The following AFAP1L1 variants were observed in gnomAD, a reference collection of about 807,000 sequenced individuals.
AFAP1L1 encodes the protein actin filament-associated protein 1-like 1.
AFAP1L1 carries 77 observed loss-of-function variants against 99.8 expected under a neutral mutation model. That is an observed-to-expected ratio of 0.77 (90% CI 0.64 to 0.93). AFAP1L1 has a LOEUF of 0.93. Among genes scored for constraint, AFAP1L1 ranks in the 40% least tolerant of loss-of-function variants. The probability of loss-of-function intolerance (pLI) is 0.00; values close to 1 mark genes in which losing one functional copy is unlikely to be tolerated. For missense variants in AFAP1L1, 893 were observed against 996.8 expected (o/e 0.90, Z 1.40); for synonymous variants, 373 against 395.3 (o/e 0.94, Z 0.67).
At chr5:149,307,661 A>T (rs1165359982) in intron 7 of AFAP1L1, 48 bp downstream of exon 7, 8 of 1,583,212 alleles carry the variant, frequency 5.1e-6, no homozygotes. Flanking sequence ...ATGGACTTGC[A>T]TGTGGGTGTG....
At chr5:149,293,744 T>G (rs1365509865) in intron 1 of AFAP1L1, among the ~76,000 whole-genome samples, 1 of 152,252 alleles carries the variant, frequency 6.6e-6, no homozygotes, top group Non-Finnish European at 1.5e-5. Flanking sequence ...TATCATTTAG[T>G]GAATGTTTGT....
intron 2 of AFAP1L1, 100 bp downstream of exon 2, chr5:149,299,737 C>T (rs566488569): frequency 2.0e-5 from 30 of 1,537,440 alleles, no homozygotes; most frequent in East Asian, 1.4e-4. Context: ...CCGCCCCACC[C>T]CCACCCCCAG....
chr5:149,339,779 T>G (rs542059166), intron 18 of AFAP1L1, among the ~76,000 whole-genome samples: 7 of 152,152 alleles, frequency 4.6e-5, no homozygotes, highest in Non-Finnish European at 1.0e-4. Flanking sequence ...ATAAATTACA[T>G]TTTTTAAAGA....
At chr5:149,278,683 T>C (rs1581284042) in intron 1 of AFAP1L1, among the ~76,000 whole-genome samples, 1 of 152,218 alleles carries the variant, frequency 6.6e-6, no homozygotes, top group East Asian at 1.9e-4. Context: ...ATGACACCCA[T>C]AGTTGGGAGA....
At chr5:149,309,775 G>A (rs1384366545) in intron 7 of AFAP1L1, among the ~76,000 whole-genome samples, 181 bp from the exon 8 acceptor site, 2 of 152,124 alleles carry the variant, frequency 1.3e-5, no homozygotes, top group Admixed American at 6.5e-5. Flanking sequence ...CTCCTCCCAG[G>A]CTTCTCTTCC....
chr5:149,320,160 T>C lies in AFAP1L1; in HGVS notation c.1626-231T>C, dbSNP rs1756911247. Among the ~76,000 whole-genome samples the C allele has an allele frequency of 6.6e-6, 1 of 152,202 alleles. No homozygotes were observed. ...GATCTCTGTTTTCTGACTCATAGAA[T>C]GGTGGTGATGAATTACCTGCCTTGC... On this transcript the variant is annotated intron_variant, in intron 13 of 18. Transcript: ENST00000296721. This position sits in a 1 kb window ranked among gnomAD's most constrained non-coding sequence, Gnocchi z 4.0.
intron 7 of AFAP1L1, 111 bp from the exon 8 acceptor site, chr5:149,309,845 G>A (rs1249586660): frequency 3.7e-6 from 5 of 1,337,924 alleles, no homozygotes; most frequent in Non-Finnish European, 5.2e-6. Flanking sequence ...TAGGCTGGGT[G>A]GGGGAGGTCT....
chr5:149,310,954 A>G (rs1191242599), intron 8 of AFAP1L1, among the ~76,000 whole-genome samples: 3 of 152,122 alleles, frequency 2.0e-5, no homozygotes, highest in African/African-American at 7.2e-5. Context: ...TCATCTGTGA[A>G]ATGGTCCTTG....
At chr5:149,301,053 G>T in intron 3 of AFAP1L1, 80 bp from the exon 4 acceptor site, 1 of 1,310,908 alleles carries the variant, frequency 7.6e-7, no homozygotes, top group African/African-American at 1.5e-5. Context: ...CAGGCCTCCT[G>T]ACCCCAAATC....
intron 5 of AFAP1L1, among the ~76,000 whole-genome samples, chr5:149,305,927 A>G (rs1756396123): frequency 6.8e-6 from 1 of 147,210 alleles, no homozygotes; most frequent in Admixed American, 6.6e-5. Flanking sequence ...CACACCATGC[A>G]CACATGCAAT....
At chr5:149,274,946 G>A (rs929544007) in intron 1 of AFAP1L1, among the ~76,000 whole-genome samples, 1 of 151,876 alleles carries the variant, frequency 6.6e-6, no homozygotes, top group Non-Finnish European at 1.5e-5. Context: ...CCAGGCAGGT[G>A]TGCACTCTCT....
intron 1 of AFAP1L1, among the ~76,000 whole-genome samples, chr5:149,295,588 AAAAG>A (rs1015926467): frequency 2.0e-5 from 3 of 152,074 alleles, no homozygotes; most frequent in Non-Finnish European, 4.4e-5. Context: ...CGAAAAAAGA[AAAAG>A]AGGGAGGGAG....
chr5:149,313,307 T>C (rs1175664066), intron 9 of AFAP1L1, among the ~76,000 whole-genome samples: 1 of 152,046 alleles, frequency 6.6e-6, no homozygotes, highest in African/African-American at 2.4e-5. Flanking sequence ...AGGGGAAGGG[T>C]TAAGACCCAC....
intron 1 of AFAP1L1, among the ~76,000 whole-genome samples, chr5:149,292,950 G>A (rs1435284387): frequency 6.6e-6 from 1 of 152,196 alleles, no homozygotes; most frequent in East Asian, 1.9e-4. Flanking sequence ...TGCTTGGAGG[G>A]GGTCCTTGGA....
chr5:149,289,561 C>T lies in AFAP1L1; in HGVS notation c.17-9948C>T, dbSNP rs537678147. ...GTGTTTGTCTTAGTGATAAACAATG[C>T]GAGTCCAACCAGTGCCGTCTCCTTC... is the stretch of plus-strand genomic sequence containing the variant. On this transcript the variant is annotated intron_variant, in intron 1 of 18. Transcript: ENST00000296721. Among the ~76,000 whole-genome samples the T allele has an allele frequency of 5.9e-5, 9 of 152,218 alleles. No homozygotes were observed. In the South Asian group the frequency reaches 1.9e-3, roughly 32 times the overall value.
At position 149,341,436 on chromosome 5, in the gene AFAP1L1, C is replaced by T. The variant is rs1757558334; in HGVS notation, c.*1406C>T. On this transcript the variant is annotated 3_prime_UTR_variant, in exon 19 of 19. Transcript: ENST00000296721. ...TGCCTCTAATGACCAGCTGGGTGAC[C>T]TTGGGAAAGTCACTTGATTGCTCTG... The T allele has an allele frequency of 6.6e-6, 1 of 152,182 alleles. No individual in the cohort carries two copies. The highest frequency in any genetic ancestry group is 2.1e-4 in the South Asian group (1 of 4,830). 9.4% of individuals were successfully genotyped at this position (152,182 alleles called of 1,614,324 possible).
At chr5:149,292,225 A>G (rs1006734277) in intron 1 of AFAP1L1, among the ~76,000 whole-genome samples, 1 of 152,218 alleles carries the variant, frequency 6.6e-6, no homozygotes, top group Admixed American at 6.5e-5. Flanking sequence ...ATATTTAATT[A>G]CTCACTTGTC....
At chr5:149,310,396 A>G (rs10058380) in intron 8 of AFAP1L1, among the ~76,000 whole-genome samples, 13,857 of 152,238 alleles carry the variant, frequency 0.091, 753 homozygotes, top group African/African-American at 0.14. Flanking sequence ...TTCAGCCTGC[A>G]CTTGTATACC....
At chr5:149,276,771 C>T (rs1755339410) in intron 1 of AFAP1L1, 1 of 152,218 alleles carries the variant, frequency 6.6e-6, no homozygotes, top group Non-Finnish European at 1.5e-5. Context: ...TGAGTCCCTG[C>T]TCTGTTTTAA....
Sources: gnomAD v4.1 joint callset for allele counts (sites outside exome capture counted in the v4.1 genomes callset) on GRCh38, gnomAD v4.1.1 for gene constraint, Gnocchi (gnomAD v3.1) non-coding constraint, MANE v1.5 for transcripts, NCBI Gene and HGNC (gene_info 2026-07-23, HGNC 2026-07-21) for gene names.